The following PCDHGA12 variants were observed in gnomAD, a reference collection of about 807,000 sequenced individuals.
PCDHGA12 encodes the protein protocadherin gamma subfamily A, 12.
In PCDHGA12, 43 loss-of-function variants were observed where a neutral mutation model predicts 61.1. The observed-to-expected ratio is 0.70, with a 90% CI of 0.55 to 0.91. The LOEUF is 0.91. Among genes scored for constraint, PCDHGA12 ranks in the 40% least tolerant of loss-of-function variants. The pLI is 0.00. For synonymous variants in PCDHGA12, 520 were observed against 542.9 expected (o/e 0.96, Z 0.59); for missense variants, 1,236 against 1,227.7 (o/e 1.01, Z -0.10).
intron 1 of PCDHGA12, chr5:141,478,822 T>C: frequency 4.2e-6 from 6 of 1,444,070 alleles, no homozygotes; most frequent in Non-Finnish European, 5.5e-6. Flanking sequence ...AACTAACCAA[T>C]CTTGCTAAGG....
rs113212669 is a variant in PCDHGA12 at position 141,465,048 on chromosome 5, A to T, written c.2425-29759A>T. 2.4e-3 allele frequency among the ~76,000 whole-genome samples: 362 copies of T among 151,344 alleles called. 4 individuals are homozygous for T. Among genetic ancestry groups the T allele is most frequent in the African/African-American group, 8.4e-3 (346 of 41,268 alleles). On this transcript the variant is annotated intron_variant, in intron 1 of 3. Transcript: ENST00000252085. ...TGAACCACCACAAATGACCCTATAT[A>T]TTTTTTTGAATTGTCTGTTCATGTC...
rs2099883943 is a variant in PCDHGA12, at chr5:141,511,766, G to A, written c.*593G>A. ...TGGAGGACATGATCACCATCCCCAT[G>A]GTACTGATGCTTGCTGGATTTAGGG... On this transcript the variant is annotated 3_prime_UTR_variant, in exon 4 of 4. Coordinates refer to ENST00000252085, the MANE Select transcript of PCDHGA12 (RefSeq NM_003735.3). 2 of 161,712 alleles carry A rather than the reference G, an allele frequency of 1.2e-5. No homozygotes were observed. Among genetic ancestry groups the A allele is most frequent in the Non-Finnish European group, 2.8e-5 (2 of 72,704 alleles). The allele number at this position is 161,712 out of a possible 1,614,324, so 10.0% of individuals were successfully genotyped here.
chr5:141,447,328 C>T (rs546209008), intron 1 of PCDHGA12, among the ~76,000 whole-genome samples: 39 of 151,886 alleles, frequency 2.6e-4, no homozygotes, highest in Admixed American at 7.2e-4. Flanking sequence ...TTAGTAGAGA[C>T]GGGTTTCATC....
chr5:141,476,557 C>T lies in PCDHGA12; in HGVS notation c.2425-18250C>T. On this transcript the variant is annotated intron_variant, in intron 1 of 3. Coordinates refer to ENST00000252085, the MANE Select transcript of PCDHGA12 (RefSeq NM_003735.3). This position sits in a 1 kb window ranked among gnomAD's most constrained non-coding sequence, Gnocchi z 7.6. ...AAATGAAATTGGAGATTAGCGAGGC[C>T]GTGGCTCCGGGGACGCGCTTTCCGC... The T allele has an allele frequency of 1.2e-6, 2 of 1,614,222 alleles. No homozygotes were observed. The highest frequency in any genetic ancestry group is 1.3e-5 in the African/African-American group (1 of 75,060).
At chr5:141,505,579 G>A (rs1047837546) in intron 3 of PCDHGA12, 98 bp downstream of exon 3, 6 of 1,588,858 alleles carry the variant, frequency 3.8e-6, no homozygotes, top group Non-Finnish European at 4.3e-6. Flanking sequence ...TCAAACCTGT[G>A]TAGTTTCTCC....
At chr5:141,469,468 G>A (rs62379200) in intron 1 of PCDHGA12, among the ~76,000 whole-genome samples, 32,669 of 151,998 alleles carry the variant, frequency 0.21, 3,638 homozygotes, top group African/African-American at 0.27. Context: ...TCAGCTACTC[G>A]GGAGGCTGAG....
intron 2 of PCDHGA12, among the ~76,000 whole-genome samples, chr5:141,496,733 C>A (rs1221912777): frequency 6.6e-6 from 1 of 152,138 alleles, no homozygotes; most frequent in Non-Finnish European, 1.5e-5. Context: ...TGTATTCATT[C>A]GTTCATTTAT....
intron 1 of PCDHGA12, among the ~76,000 whole-genome samples, chr5:141,447,493 T>A (rs538320272): frequency 3.3e-5 from 5 of 152,186 alleles, no homozygotes; most frequent in East Asian, 1.9e-4. Flanking sequence ...AGAAGGAATG[T>A]TTAGGATAAA....
intron 1 of PCDHGA12, among the ~76,000 whole-genome samples, chr5:141,466,449 T>C (rs2154569205): frequency 6.6e-6 from 1 of 152,358 alleles, no homozygotes; most frequent in Admixed American, 6.5e-5. Flanking sequence ...ATGTCTATGG[T>C]GTTGGCTATT....
intron 1 of PCDHGA12, among the ~76,000 whole-genome samples, chr5:141,435,568 A>C (rs564789030): frequency 8.7e-4 from 132 of 152,274 alleles, no homozygotes; most frequent in Middle Eastern, 6.8e-3. Context: ...TTTTTTTAGT[A>C]CTGGGGCAAA....
Position 141,486,829 on chromosome 5 carries a change from T to A in PCDHGA12, c.2425-7978T>A. 1 of 1,614,178 alleles carries A rather than the reference T, an allele frequency of 6.2e-7. No individual in the cohort carries two copies. On this transcript the variant is annotated intron_variant, in intron 1 of 3. Coordinates refer to ENST00000252085, the MANE Select transcript of PCDHGA12 (RefSeq NM_003735.3). The surrounding 1 kb of genome is among the most constrained non-coding windows in gnomAD (Gnocchi z 5.0). ...CCCTTAGCAGCACTGTAACAGTTCG[T>A]CTATTTGTGCTGGACCTCAATGACA...
rs138031063 is a variant in PCDHGA12 at position 141,447,985 on chromosome 5, C to T, written c.2424+14802C>T. Among the ~76,000 whole-genome samples the T allele has an allele frequency of 3.9e-3, 591 of 152,010 alleles. 6 individuals are homozygous for T. The highest frequency in any genetic ancestry group is 0.011 in the Admixed American group (170 of 15,260). On this transcript the variant is annotated intron_variant, in intron 1 of 3. Transcript: ENST00000252085. ...CCTATAATCCCAGCTACTCGGGAGG[C>T]TGAGGCATGAGAATCGCTTGAACCC...
Position 141,511,126 on chromosome 5 carries a change from G to A in PCDHGA12, c.2752G>A (p.Gly918Ser). The A allele has an allele frequency of 1.9e-6, 3 of 1,614,212 alleles. No individual in the cohort carries two copies. The highest frequency in any genetic ancestry group is 2.2e-5 in the South Asian group (2 of 91,086). The change falls in exon 4 of 4, where the codon GGT becomes AGT. Residue 918 changes from glycine to serine, a missense_variant. Coordinates refer to ENST00000252085, the MANE Select transcript of PCDHGA12 (RefSeq NM_003735.3). ...AGKRDGKAPA[G>S]GNGNKKKSGK... ...CAAGCGGGATGGCAAGGCCCCAGCA[G>A]GTGGCAATGGCAACAAGAAGAAGTC...
chr5:141,444,900 T>C (rs997464788), intron 1 of PCDHGA12, among the ~76,000 whole-genome samples: 1 of 152,182 alleles, frequency 6.6e-6, no homozygotes, highest in Non-Finnish European at 1.5e-5. Context: ...TGGGATGGCA[T>C]TGCATCTATA....
At position 141,490,591 on chromosome 5, in the gene PCDHGA12, G is replaced by A; in HGVS notation, c.2425-4216G>A. 1 of 1,614,100 alleles carries A rather than the reference G, an allele frequency of 6.2e-7. No homozygotes were observed. Among genetic ancestry groups the A allele is most frequent in the African/African-American group, 1.3e-5 (1 of 75,016 alleles). ...CAACATTTCAGATGTCAATGACAAT[G>A]CACCCCGCTTCAACCAGCAGCTTTA... On this transcript the variant is annotated intron_variant, in intron 1 of 3. Coordinates refer to ENST00000252085, the MANE Select transcript of PCDHGA12 (RefSeq NM_003735.3). This position sits in a 1 kb window ranked among gnomAD's most constrained non-coding sequence, Gnocchi z 5.4.
In PCDHGA12 at chr5:141,509,418, A is replaced by G. The variant is rs767758113; in HGVS notation, c.2573-1529A>G. Among the ~76,000 whole-genome samples the G allele has an allele frequency of 2.6e-5, 4 of 152,188 alleles. No individual in the cohort carries two copies. The South Asian group carries it at 6.2e-4, about 24-fold the overall frequency. ...TCAGGGCCTCCAGCAGCGAGCCCCA[A>G]TGAGTCAAACTCTTGTTTCCTCCTC... On this transcript the variant is annotated intron_variant, in intron 3 of 3. Transcript: ENST00000252085.
In PCDHGA12 at chr5:141,490,462, ACCAG is replaced by A; in HGVS notation, c.2425-4338_2425-4335del. On this transcript the variant is annotated intron_variant, in intron 1 of 3. Coordinates refer to ENST00000252085, the MANE Select transcript of PCDHGA12 (RefSeq NM_003735.3). The surrounding 1 kb of genome is among the most constrained non-coding windows in gnomAD (Gnocchi z 5.4). ...TTCTGAGAACCACTACTCGCTGCTA[ACCAG>A]CCAGCCTTTGGACCGGGAGGCCACA... 1 of 1,614,198 alleles carries A rather than the reference ACCAG, an allele frequency of 6.2e-7. No homozygotes were observed.
chr5:141,462,070 G>C lies in PCDHGA12; in HGVS notation c.2424+28887G>C, dbSNP rs572217894. Among the ~76,000 whole-genome samples, 18 of 152,196 alleles carry C rather than the reference G, an allele frequency of 1.2e-4. No individual in the cohort carries two copies. In the South Asian group the frequency reaches 3.7e-3, roughly 32 times the overall value. On this transcript the variant is annotated intron_variant, in intron 1 of 3. Coordinates refer to ENST00000252085, the MANE Select transcript of PCDHGA12 (RefSeq NM_003735.3). ...ACTCCCGACCTCAGGTGATCTGCCC[G>C]CCTTGGCCTCCCAAAATGCTGGGAT...
At chr5:141,482,862 A>G (rs1169526338) in intron 1 of PCDHGA12, among the ~76,000 whole-genome samples, 1 of 152,180 alleles carries the variant, frequency 6.6e-6, no homozygotes, top group Non-Finnish European at 1.5e-5. Context: ...ACTTGAGGTC[A>G]GGAGTTTGAA....
Sources: allele counts gnomAD v4.1 joint callset (sites outside exome capture counted in the v4.1 genomes callset), GRCh38; gene constraint gnomAD v4.1.1; non-coding constraint Gnocchi (gnomAD v3.1); transcripts MANE v1.5; gene names NCBI Gene and HGNC (gene_info 2026-07-23, HGNC 2026-07-21).